Variants in SNTG1 observed in about 807,000 individuals in gnomAD.
SNTG1 encodes syntrophin gamma 1, also known as gamma-1-syntrophin.
SNTG1 carries 39 observed loss-of-function variants against 74.7 expected under a neutral mutation model. That is an observed-to-expected ratio of 0.52 (90% CI 0.40 to 0.68). The LOEUF is 0.68. SNTG1 is among the 30% of genes least tolerant of loss of function. SNTG1 has a pLI of 0.00. For synonymous variants in SNTG1, 254 were observed against 217.1 expected (o/e 1.17, Z -1.49); for missense variants, 685 against 609.5 (o/e 1.12, Z -1.30).
intron 1 of SNTG1, among the ~76,000 whole-genome samples, chr8:50,085,443 T>A (rs1306976923): frequency 1.3e-5 from 2 of 152,238 alleles, no homozygotes; most frequent in Admixed American, 1.3e-4. Flanking sequence ...TTTTCTCATG[T>A]ACTTTACATT....
chr8:50,519,031 T>C (rs188059307), intron 9 of SNTG1, among the ~76,000 whole-genome samples: 59 of 152,262 alleles, frequency 3.9e-4, no homozygotes, highest in Non-Finnish European at 7.5e-4. Context: ...ATATCACTGA[T>C]AAACATTGAT....
chr8:50,598,175 C>A (rs549030400), intron 13 of SNTG1, among the ~76,000 whole-genome samples: 3 of 151,872 alleles, frequency 2.0e-5, no homozygotes, highest in African/African-American at 7.2e-5. Flanking sequence ...TTTCCCTATG[C>A]TTTCTTCAAG....
intron 15 of SNTG1, among the ~76,000 whole-genome samples, chr8:50,689,562 A>G (rs1442357293): frequency 2.6e-5 from 4 of 151,980 alleles, no homozygotes; most frequent in Admixed American, 1.3e-4. Context: ...ATTGATTTGC[A>G]TATGTTGAAC....
intron 16 of SNTG1, among the ~76,000 whole-genome samples, chr8:50,706,019 T>A (rs1011278951): frequency 6.6e-6 from 1 of 152,244 alleles, no homozygotes; most frequent in Non-Finnish European, 1.5e-5. Flanking sequence ...GATTGTTGGA[T>A]ACATATATTT....
At chr8:50,243,683 A>G in intron 2 of SNTG1, among the ~76,000 whole-genome samples, 1 of 134,560 alleles carries the variant, frequency 7.4e-6, no homozygotes, top group South Asian at 2.6e-4. Context: ...CAGGGTAATT[A>G]ATTAATTTTT....
chr8:50,276,370 ATTTTAT>A (rs967991975), intron 2 of SNTG1, among the ~76,000 whole-genome samples: 1 of 89,216 alleles, frequency 1.1e-5, no homozygotes, highest in African/African-American at 4.6e-5. Context: ...GTGCAAGTAA[ATTTTAT>A]ATATATATAT....
At chr8:50,537,969 T>C (rs992575236) in intron 11 of SNTG1, among the ~76,000 whole-genome samples, 1 of 152,168 alleles carries the variant, frequency 6.6e-6, no homozygotes, top group Non-Finnish European at 1.5e-5. Context: ...TTAATATATG[T>C]AGTCAGATCT....
At chr8:50,637,152 C>G (rs749259237) in intron 13 of SNTG1, among the ~76,000 whole-genome samples, 8 of 152,228 alleles carry the variant, frequency 5.3e-5, no homozygotes, top group South Asian at 2.1e-4. Flanking sequence ...ACATGTAGTA[C>G]CTTTGTTTAC....
At chr8:50,791,349 C>A (rs372281237) in intron 18 of SNTG1, among the ~76,000 whole-genome samples, 2 of 151,968 alleles carry the variant, frequency 1.3e-5, no homozygotes. Flanking sequence ...TGAATAACCT[C>A]TTCTATTCTC....
At chr8:50,147,175 G>A (rs1290361087) in intron 1 of SNTG1, among the ~76,000 whole-genome samples, 2 of 152,128 alleles carry the variant, frequency 1.3e-5, no homozygotes, top group African/African-American at 2.4e-5. Flanking sequence ...ATGACTCTAC[G>A]CATTTGTCAA....
chr8:50,091,781 C>A (rs1419714883), intron 1 of SNTG1, among the ~76,000 whole-genome samples: 4 of 151,970 alleles, frequency 2.6e-5, no homozygotes, highest in African/African-American at 4.8e-5. Context: ...TTTGTGTAAT[C>A]CATAAGCAGG....
chr8:50,609,413 C>G (rs1039527324), intron 13 of SNTG1, among the ~76,000 whole-genome samples: 1 of 152,120 alleles, frequency 6.6e-6, no homozygotes, highest in Non-Finnish European at 1.5e-5. Flanking sequence ...AGCTGTTACA[C>G]ATATTGATAC....
intron 15 of SNTG1, among the ~76,000 whole-genome samples, chr8:50,684,039 G>T (rs1026216708): frequency 6.6e-6 from 1 of 152,274 alleles, no homozygotes; most frequent in Non-Finnish European, 1.5e-5. Context: ...AATTATTAAA[G>T]ATTAAGAACT....
At chr8:50,354,351 C>A (rs1386173778) in intron 2 of SNTG1, among the ~76,000 whole-genome samples, 1 of 152,116 alleles carries the variant, frequency 6.6e-6, no homozygotes, top group Non-Finnish European at 1.5e-5. Context: ...TATCAAAAAT[C>A]TTTGCAACAT....
intron 9 of SNTG1, among the ~76,000 whole-genome samples, chr8:50,517,616 C>CAAAAAAAAAAAAAA (rs1161724778): frequency 1.3e-4 from 8 of 62,350 alleles, no homozygotes; most frequent in Admixed American, 2.0e-4. Context: ...AAATGGAAAG[C>CAAAAAAAAAAAAAA]AAAAAAAAAA....
At chr8:50,086,695 A>G (rs1430101197) in intron 1 of SNTG1, among the ~76,000 whole-genome samples, 2 of 152,142 alleles carry the variant, frequency 1.3e-5, no homozygotes, top group Admixed American at 6.6e-5. Context: ...CTGAATGTTC[A>G]TAACTAGAGA....
intron 1 of SNTG1, among the ~76,000 whole-genome samples, chr8:50,140,075 GATAAT>G (rs1477970094): frequency 6.6e-6 from 1 of 152,162 alleles, no homozygotes; most frequent in East Asian, 1.9e-4. Context: ...ATGTCATGAA[GATAAT>G]ATATTGTTCT....
intron 2 of SNTG1, among the ~76,000 whole-genome samples, chr8:50,284,602 A>G (rs1378978193): frequency 6.6e-6 from 1 of 152,144 alleles, no homozygotes; most frequent in Non-Finnish European, 1.5e-5. Flanking sequence ...TTCATCTTGC[A>G]TATTTCCTGT....
chr8:50,469,844 T>G (rs1011977870), intron 8 of SNTG1, among the ~76,000 whole-genome samples: 1 of 152,222 alleles, frequency 6.6e-6, no homozygotes, highest in South Asian at 2.1e-4. Flanking sequence ...CCAGGCGTGG[T>G]GGCGTATGTC....
Sources: gnomAD v4.1 joint callset for allele counts (sites outside exome capture counted in the v4.1 genomes callset) on GRCh38, gnomAD v4.1.1 for gene constraint, MANE v1.5 for transcripts, NCBI Gene and HGNC (gene_info 2026-07-23, HGNC 2026-07-21) for gene names.